HARBI1: variants seen among roughly 807,000 people sequenced by gnomAD.
HARBI1 encodes the protein harbinger transposase derived 1, also known as putative nuclease HARBI1.
In HARBI1, 15 loss-of-function variants were observed where a neutral mutation model predicts 25.3. The observed-to-expected ratio is 0.59, with a 90% CI of 0.40 to 0.91. HARBI1 has a LOEUF of 0.91. Among genes scored for constraint, HARBI1 ranks in the 40% least tolerant of loss-of-function variants. The pLI is 0.00. For missense variants in HARBI1, 396 were observed against 445.8 expected (o/e 0.89, Z 1.01); for synonymous variants, 168 against 160.5 (o/e 1.05, Z -0.35).
At position 46,616,154 on chromosome 11, in the gene HARBI1, A is replaced by G; in HGVS notation, c.84T>C (p.Asp28=). ...ACATCAAGTATTCATCAGTCACATC[A>G]TCCAGCTTAAAACGGTCCAATGTCC... ...GHRTLDRFKL[D]DVTDEYLMSM... Residue 28 remains aspartate, a synonymous_variant, in exon 2 of 3, where the codon GAT becomes GAC. Transcript: ENST00000326737. 1 of 1,614,114 alleles carries G rather than the reference A, an allele frequency of 6.2e-7. No individual in the cohort carries two copies. The highest frequency in any genetic ancestry group is 8.5e-7 in the Non-Finnish European group (1 of 1,180,040).
chr11:46,614,613 T>A (rs1279617199), intron 2 of HARBI1, among the ~76,000 whole-genome samples: 2 of 152,048 alleles, frequency 1.3e-5, no homozygotes, highest in African/African-American at 4.8e-5. Flanking sequence ...AAAAAAAAGT[T>A]TAATTGTTTT....
intron 2 of HARBI1, among the ~76,000 whole-genome samples, chr11:46,607,565 G>A (rs1300674456): frequency 6.6e-6 from 1 of 152,172 alleles, no homozygotes; most frequent in East Asian, 1.9e-4. Flanking sequence ...AGTCTTAAAT[G>A]GAGGAGATAT....
At position 46,608,702 on chromosome 11, in the gene HARBI1, G is replaced by A. The variant is rs112604020; in HGVS notation, c.671-4793C>T. On this transcript the variant is annotated intron_variant, in intron 2 of 2. Coordinates refer to ENST00000326737, the MANE Select transcript of HARBI1 (RefSeq NM_173811.4). ...AGAATCTTGGTTCACTACAACCTCC[G>A]CCTCCTGGGTTCAAGCAATTCTCCT... Among the ~76,000 whole-genome samples, 885 of 150,988 alleles carry A rather than the reference G, an allele frequency of 5.9e-3. 5 individuals carry two copies. The highest frequency in any genetic ancestry group is 0.02 in the African/African-American group (810 of 41,016).
chr11:46,616,803 C>T (rs2045523698), intron 1 of HARBI1: 1 of 210,906 alleles, frequency 4.7e-6, no homozygotes, highest in Non-Finnish European at 6.1e-6. Context: ...CTGGGGTGTT[C>T]AAACCAGTCT....
At position 46,604,706 on chromosome 11, in the gene HARBI1, T is replaced by C. The variant is rs922718873; in HGVS notation, c.671-797A>G. ...AATAAGATAAAAGTCCGAGCACTTA[T>C]GGCAGAGATCAGAACTCAGGTGTTC... On this transcript the variant is annotated intron_variant, in intron 2 of 2. Coordinates refer to ENST00000326737, the MANE Select transcript of HARBI1 (RefSeq NM_173811.4). 36 of 985,262 alleles carry C rather than the reference T, an allele frequency of 3.7e-5. No homozygotes were observed. The East Asian group carries it at 9.1e-4, about 25-fold the overall frequency. The allele number at this position is 985,262 out of a possible 1,614,324, so 61.0% of individuals were successfully genotyped here.
At chr11:46,612,325 G>A (rs987130490) in intron 2 of HARBI1, among the ~76,000 whole-genome samples, 2 of 151,812 alleles carry the variant, frequency 1.3e-5, no homozygotes, top group Non-Finnish European at 2.9e-5. Context: ...AATCCTTAAC[G>A]TAGCTTTCAT....
chr11:46,607,895 C>T (rs2045016021), intron 2 of HARBI1, among the ~76,000 whole-genome samples: 1 of 132,702 alleles, frequency 7.5e-6, no homozygotes, highest in South Asian at 2.3e-4. Flanking sequence ...TGGATAATAT[C>T]GTAGGAAAAA....
At chr11:46,611,243 G>A (rs559956263) in intron 2 of HARBI1, among the ~76,000 whole-genome samples, 3 of 152,110 alleles carry the variant, frequency 2.0e-5, no homozygotes, top group South Asian at 4.1e-4. Context: ...TCCTGACCTC[G>A]TGATCCGCCC....
Position 46,603,615 on chromosome 11 carries a change from G to T in HARBI1, c.965C>A (p.Pro322Gln). The change falls in exon 3 of 3, where the codon CCG becomes CAG. Residue 322 changes from proline to glutamine, a missense_variant. Coordinates refer to ENST00000326737, the MANE Select transcript of HARBI1 (RefSeq NM_173811.4). Reference sequence around the variant, plus strand: ...CTCCATGTGCTCATACTCCTCTTCCGGGGGCTGTTCCATGGGTCCTGTCAT... The same window carrying T: ...CTCCATGTGCTCATACTCCTCTTCCTGGGGCTGTTCCATGGGTCCTGTCAT... ...SPMTGPMEQPPEEEYEHMESL... is the reference protein window; with the variant it reads ...SPMTGPMEQPQEEEYEHMESL... The T allele has an allele frequency of 6.2e-7, 1 of 1,613,974 alleles. No individual in the cohort carries two copies. The highest frequency in any genetic ancestry group is 8.5e-7 in the Non-Finnish European group (1 of 1,179,910).
chr11:46,609,035 T>C (rs2045072249), intron 2 of HARBI1, among the ~76,000 whole-genome samples: 1 of 151,868 alleles, frequency 6.6e-6, no homozygotes, highest in Non-Finnish European at 1.5e-5. Flanking sequence ...GCGATTCTCC[T>C]GCCTCAGCCT....
intron 2 of HARBI1, among the ~76,000 whole-genome samples, chr11:46,607,259 CAAAA>C (rs149824275): frequency 1.4e-5 from 1 of 71,700 alleles, no homozygotes; most frequent in Non-Finnish European, 2.9e-5. Flanking sequence ...GAGACTGTCT[CAAAA>C]AAAAAAAAAA....
Position 46,603,356 on chromosome 11 carries a change from G to A in HARBI1, c.*174C>T, listed in dbSNP as rs2044827249. ...CAGTTTAATTAATGCATATGCAAAT[G>A]AATCAAGATATTCTGGCATAGCCCC... On this transcript the variant is annotated 3_prime_UTR_variant, in exon 3 of 3. Transcript: ENST00000326737. The A allele has an allele frequency of 6.6e-6, 4 of 602,886 alleles. No individual in the cohort carries two copies. Among genetic ancestry groups the A allele is most frequent in the Non-Finnish European group, 1.1e-5 (4 of 351,002 alleles). The allele number at this position is 602,886 out of a possible 1,614,324, so 37.3% of individuals were successfully genotyped here. A position where few individuals can be genotyped will look rare whatever the true frequency, so the allele number is the denominator to read the frequency against.
At chr11:46,614,220 G>A (rs1265821353) in intron 2 of HARBI1, among the ~76,000 whole-genome samples, 16 of 151,742 alleles carry the variant, frequency 1.1e-4, no homozygotes. Flanking sequence ...CTGAGGTTGG[G>A]AGTTCGAGAG....
At chr11:46,612,377 C>T (rs2045217675) in intron 2 of HARBI1, among the ~76,000 whole-genome samples, 1 of 151,782 alleles carries the variant, frequency 6.6e-6, no homozygotes, top group South Asian at 2.1e-4. Flanking sequence ...TCCTGATGCT[C>T]ATATAAAAGT....
intron 2 of HARBI1, chr11:46,604,509 C>T: frequency 1.0e-6 from 1 of 981,952 alleles, no homozygotes; most frequent in Non-Finnish European, 1.2e-6. Context: ...TCTTCAAAAT[C>T]TCTACAGAGC....
At chr11:46,614,802 T>A (rs927189751) in intron 2 of HARBI1, among the ~76,000 whole-genome samples, 8 of 152,196 alleles carry the variant, frequency 5.3e-5, no homozygotes, top group African/African-American at 1.9e-4. Flanking sequence ...ATGTTGATTT[T>A]TTAAAAATTA....
chr11:46,609,711 C>G lies in HARBI1; in HGVS notation c.671-5802G>C, dbSNP rs11038935. 1.0e-3 allele frequency among the ~76,000 whole-genome samples: 152 copies of G among 152,078 alleles called. No individual in the cohort carries two copies. The East Asian group carries it at 0.021, about 21-fold the overall frequency. ...ACTAGCTTTAATAAACACTTGCTGA[C>G]CAGGCACAGTGGCTCATACCTGTAA... On this transcript the variant is annotated intron_variant, in intron 2 of 2. Transcript: ENST00000326737.
At chr11:46,605,126 CCCA>C (rs1339859403) in intron 2 of HARBI1, among the ~76,000 whole-genome samples, 47 of 152,134 alleles carry the variant, frequency 3.1e-4, no homozygotes, top group Admixed American at 3.1e-3. Flanking sequence ...GTGTTCCTGC[CCCA>C]CCATCAATTT....
chr11:46,616,698 A>C, intron 1 of HARBI1: 1 of 993,762 alleles, frequency 1.0e-6, no homozygotes, highest in Non-Finnish European at 1.2e-6. Context: ...GCCAAGAAGC[A>C]GCTGACATAT....
Sources: gnomAD v4.1 joint callset for allele counts (sites outside exome capture counted in the v4.1 genomes callset) on GRCh38, gnomAD v4.1.1 for gene constraint, MANE v1.5 for transcripts, NCBI Gene and HGNC (gene_info 2026-07-23, HGNC 2026-07-21) for gene names.